The following CCL28 variants were observed in gnomAD, a reference collection of about 807,000 sequenced individuals.
CCL28 encodes C-C motif chemokine ligand 28.
Under a neutral mutation model 7.1 loss-of-function variants are expected in CCL28, and 4 were observed. The ratio of observed to expected loss-of-function variants is 0.56; its 90% CI spans 0.28 to 1.29. CCL28 has a LOEUF of 1.29. Among genes scored for constraint, CCL28 ranks in the 50% most tolerant of loss-of-function variants. CCL28 has a pLI of 0.11. For missense variants in CCL28, 151 were observed against 163.4 expected (o/e 0.92, Z 0.41); for synonymous variants, 55 against 57.8 (o/e 0.95, Z 0.22).
the CCL28 span, among the ~76,000 whole-genome samples, chr5:43,363,968 A>T: frequency 1.3e-5 from 2 of 152,232 alleles, no homozygotes; most frequent in Non-Finnish European, 2.9e-5. Context: ...GACTCCCTGC[A>T]TCTGCCTAGA....
chr5:43,402,103 G>T (rs1297592207), intron 1 of CCL28, among the ~76,000 whole-genome samples: 1 of 152,206 alleles, frequency 6.6e-6, no homozygotes, highest in Non-Finnish European at 1.5e-5. Context: ...AGCATGTTCT[G>T]CCAGTACAGA....
chr5:43,395,572 G>A (rs895151025), intron 1 of CCL28, among the ~76,000 whole-genome samples: 11 of 152,084 alleles, frequency 7.2e-5, no homozygotes, highest in African/African-American at 2.7e-4. Context: ...GCTAAGGCAG[G>A]GGGATCACTT....
At chr5:43,377,494 A>AAG, downstream of CCL28, 1 of 149,108 alleles carries the variant, frequency 6.7e-6, no homozygotes, top group South Asian at 2.1e-4. Flanking sequence ...TCTGTATCAA[A>AAG]AAAAAAAAAA....
At chr5:43,390,222 C>G in intron 1 of CCL28, among the ~76,000 whole-genome samples, 1 of 152,136 alleles carries the variant, frequency 6.6e-6, no homozygotes, top group Non-Finnish European at 1.5e-5. Context: ...CAAAGACCAC[C>G]TTGGTCAGGT....
At chr5:43,368,853 G>T in the CCL28 span, among the ~76,000 whole-genome samples, 1 of 151,996 alleles carries the variant, frequency 6.6e-6, no homozygotes, top group Admixed American at 6.6e-5. Context: ...GAACCAACCC[G>T]GTTGATACCT....
chr5:43,381,526 A>AT lies in CCL28; in HGVS notation c.*333dup, dbSNP rs922114943. 484 of 169,334 alleles carry AT rather than the reference A, an allele frequency of 2.9e-3. No individual in the cohort carries two copies. The highest frequency in any genetic ancestry group is 5.0e-3 in the Middle Eastern group (2 of 400). 10.5% of individuals were successfully genotyped at this position (169,334 alleles called of 1,614,324 possible). A position where few individuals can be genotyped will look rare whatever the true frequency, so the allele number is the denominator to read the frequency against. On this transcript the variant is annotated 3_prime_UTR_variant, in exon 3 of 3. Coordinates refer to ENST00000361115, the MANE Select transcript of CCL28 (RefSeq NM_148672.3). ...AGGCAAGTACTACCATGCCGGGCCA[A>AT]TTTTTTTTTTGTTTGTAGAAATGAG...
chr5:43,362,330 G>A, the CCL28 span, among the ~76,000 whole-genome samples: 1 of 152,116 alleles, frequency 6.6e-6, no homozygotes, highest in African/African-American at 2.4e-5. Context: ...ATTTTTGTAT[G>A]TTGGTTTTGT....
At chr5:43,374,510 C>T (rs1241502006), downstream of CCL28, among the ~76,000 whole-genome samples, 1 of 152,204 alleles carries the variant, frequency 6.6e-6, no homozygotes, top group Non-Finnish European at 1.5e-5. Context: ...AGGCTGGGTG[C>T]AGTGGCTCAC....
Position 43,379,972 on chromosome 5 carries a change from CA to C in CCL28, c.*1887del, listed in dbSNP as rs1316197981. On this transcript the variant is annotated 3_prime_UTR_variant, in exon 3 of 3. Transcript: ENST00000361115. Reference sequence around the variant, plus strand: ...CCGTCTCTACTAAAAATACAAAAATCAGCGGGGTGTGGTGGCTGGGCGCCTG... The same window carrying C: ...CCGTCTCTACTAAAAATACAAAAATCGCGGGGTGTGGTGGCTGGGCGCCTG... 2 of 152,000 alleles carry C rather than the reference CA, an allele frequency of 1.3e-5. No homozygotes were observed. The highest frequency in any genetic ancestry group is 2.9e-5 in the Non-Finnish European group (2 of 68,006). 9.4% of individuals were successfully genotyped at this position (152,000 alleles called of 1,614,324 possible). A position where few individuals can be genotyped will look rare whatever the true frequency, so the allele number is the denominator to read the frequency against.
downstream of CCL28, among the ~76,000 whole-genome samples, chr5:43,377,717 C>CT (rs767834184): frequency 0.06 from 2,570 of 42,496 alleles, 846 homozygotes; most frequent in East Asian, 0.085. Context: ...AGAACTTAAA[C>CT]TTTTTTTTTT....
chr5:43,362,844 A>G, the CCL28 span, among the ~76,000 whole-genome samples: 1 of 152,198 alleles, frequency 6.6e-6, no homozygotes, highest in Non-Finnish European at 1.5e-5. Flanking sequence ...AGATTGATAT[A>G]TATACATACC....
chr5:43,403,391 G>A (rs955595688), intron 1 of CCL28, among the ~76,000 whole-genome samples: 3 of 152,144 alleles, frequency 2.0e-5, no homozygotes, highest in Non-Finnish European at 4.4e-5. Context: ...GTGATATCCA[G>A]GCAAACAGGG....
chr5:43,392,826 A>G (rs1740632206), intron 1 of CCL28, among the ~76,000 whole-genome samples: 1 of 152,148 alleles, frequency 6.6e-6, no homozygotes, highest in Non-Finnish European at 1.5e-5. Context: ...AAAATTATTT[A>G]TAAGAACTCA....
chr5:43,408,007 T>C (rs953966008), intron 1 of CCL28, among the ~76,000 whole-genome samples: 1 of 152,188 alleles, frequency 6.6e-6, no homozygotes, highest in Admixed American at 6.5e-5. Flanking sequence ...CTGGAGAGGA[T>C]GTGGAGAAAT....
chr5:43,360,090 G>T, the CCL28 span, among the ~76,000 whole-genome samples: 1 of 152,238 alleles, frequency 6.6e-6, no homozygotes, highest in South Asian at 2.1e-4. Flanking sequence ...CTGCAATAAT[G>T]CTGTCTCAGT....
intron 1 of CCL28, among the ~76,000 whole-genome samples, chr5:43,408,366 AT>A (rs1741386709): frequency 6.6e-6 from 1 of 152,214 alleles, no homozygotes; most frequent in Non-Finnish European, 1.5e-5. Context: ...GGAAACCATC[AT>A]TCTGAGCAAA....
chr5:43,359,365 G>C, the CCL28 span, among the ~76,000 whole-genome samples: 5 of 152,194 alleles, frequency 3.3e-5, no homozygotes, highest in Non-Finnish European at 7.3e-5. Context: ...AAAGAGATGG[G>C]TCGAAATGAA....
At chr5:43,403,339 A>C (rs1368267274) in intron 1 of CCL28, among the ~76,000 whole-genome samples, 2 of 152,112 alleles carry the variant, frequency 1.3e-5, no homozygotes, top group African/African-American at 4.8e-5. Flanking sequence ...AGGCAGCAAC[A>C]TTTGCCATTC....
chr5:43,384,964 T>G (rs1186012190), intron 2 of CCL28, among the ~76,000 whole-genome samples: 2 of 151,990 alleles, frequency 1.3e-5, no homozygotes, highest in Admixed American at 1.3e-4. Flanking sequence ...TGGCGCGACC[T>G]TGGCTCACTG....
Sources: allele counts gnomAD v4.1 joint callset (sites outside exome capture counted in the v4.1 genomes callset), GRCh38; gene constraint gnomAD v4.1.1; transcripts MANE v1.5; gene names NCBI Gene and HGNC (gene_info 2026-07-23, HGNC 2026-07-21).